The following DHX35 variants were observed in gnomAD, a reference collection of about 807,000 sequenced individuals.
DHX35 encodes DEAH-box helicase 35.
In DHX35, 84 loss-of-function variants were observed where a neutral mutation model predicts 99.6. The ratio of observed to expected loss-of-function variants is 0.84; its 90% CI spans 0.71 to 1.01. The LOEUF (loss-of-function observed/expected upper bound fraction) is 1.01, where lower values mean the gene tolerates loss of function less well. DHX35 is among the 50% of genes least tolerant of loss of function. The pLI, the probability that DHX35 is intolerant of heterozygous loss-of-function variation, is 0.00. For synonymous variants in DHX35, 331 were observed against 316.2 expected (o/e 1.05, Z -0.50); for missense variants, 852 against 888.5 (o/e 0.96, Z 0.52).
At chr20:38,971,862 CTT>C (rs905923596) in intron 2 of DHX35, among the ~76,000 whole-genome samples, 1 of 151,984 alleles carries the variant, frequency 6.6e-6, no homozygotes, top group Non-Finnish European at 1.5e-5. Context: ...TTTAACCAAA[CTT>C]TTGTTGATCA....
intron 8 of DHX35, among the ~76,000 whole-genome samples, chr20:38,996,028 C>T (rs977045644): frequency 6.6e-6 from 1 of 152,164 alleles, no homozygotes; most frequent in East Asian, 1.9e-4. Context: ...CTTGCTGTTC[C>T]TCAAAACAAC....
intron 9 of DHX35, 26 bp from the exon 10 acceptor site, chr20:39,002,746 T>C: frequency 6.3e-7 from 1 of 1,589,358 alleles, no homozygotes; most frequent in Non-Finnish European, 8.6e-7. Flanking sequence ...ATTCTAGTGA[T>C]GAATTCATCC....
chr20:39,030,312 C>G (rs1357686230), intron 19 of DHX35: 1 of 199,524 alleles, frequency 5.0e-6, no homozygotes, highest in Non-Finnish European at 1.0e-5. Context: ...GTTACGTCCC[C>G]CTATAGTCAT....
At chr20:39,006,485 T>A in intron 12 of DHX35, 129 bp downstream of exon 12, 1 of 961,414 alleles carries the variant, frequency 1.0e-6, no homozygotes, top group Non-Finnish European at 1.5e-6. Context: ...AGGCCCTGTG[T>A]AATCAGATCC....
chr20:38,972,004 G>GTTTTTTTTTTTTTTTTTTT, intron 2 of DHX35, among the ~76,000 whole-genome samples: 214 of 81,026 alleles, frequency 2.6e-3, no homozygotes, highest in South Asian at 3.9e-3. Context: ...GTTTTGTTTT[G>GTTTTTTTTTTTTTTTTTTT]TTTTTTTTTT....
In DHX35 at chr20:39,036,106, T is replaced by C. The variant is rs148201759; in HGVS notation, c.2067+1789T>C. ...GGTAAACTAGAGGTTGAAAGAGGAA[T>C]GGTGCAGTGGTCAAAATGCCTGTTA... is the stretch of plus-strand genomic sequence containing the variant. On this transcript the variant is annotated intron_variant, in intron 21 of 21. Transcript: ENST00000252011. Among the ~76,000 whole-genome samples, 66 of 152,248 alleles carry C rather than the reference T, an allele frequency of 4.3e-4. 1 individual carries two copies. In the East Asian group the frequency reaches 0.01, roughly 23 times the overall value.
At chr20:38,976,564 C>T (rs910488265) in intron 3 of DHX35, among the ~76,000 whole-genome samples, 2 of 151,914 alleles carry the variant, frequency 1.3e-5, no homozygotes, top group African/African-American at 4.8e-5. Context: ...ATTATCATAT[C>T]CATCACCTCA....
intron 2 of DHX35, among the ~76,000 whole-genome samples, chr20:38,970,151 G>T (rs527619096): frequency 6.6e-6 from 1 of 152,292 alleles, no homozygotes; most frequent in South Asian, 2.1e-4. Flanking sequence ...ACGAACCCCT[G>T]AGCTCAAGCA....
At chr20:39,024,077 C>T (rs2086914008) in intron 17 of DHX35, among the ~76,000 whole-genome samples, 1 of 152,190 alleles carries the variant, frequency 6.6e-6, no homozygotes. Flanking sequence ...GACAGAAAGG[C>T]AACATTTGAA....
chr20:38,987,262 GAC>G (rs2086264901), intron 4 of DHX35, among the ~76,000 whole-genome samples: 1 of 151,438 alleles, frequency 6.6e-6, no homozygotes, highest in Non-Finnish European at 1.5e-5. Flanking sequence ...TTTGTTTTTT[GAC>G]ACAGTCTCTT....
intron 3 of DHX35, among the ~76,000 whole-genome samples, chr20:38,982,679 A>G (rs994128914): frequency 3.3e-5 from 5 of 152,068 alleles, no homozygotes; most frequent in Admixed American, 6.5e-5. Context: ...CCTGTAGACA[A>G]CCATTTCTTA....
intron 2 of DHX35, among the ~76,000 whole-genome samples, chr20:38,969,672 A>T (rs531557202): frequency 1.3e-5 from 2 of 152,372 alleles, no homozygotes; most frequent in East Asian, 3.9e-4. Context: ...AGACAGTGAC[A>T]GGATTTTGGT....
At chr20:38,989,265 G>GTTTTTT (rs59991063) in intron 5 of DHX35, among the ~76,000 whole-genome samples, 45 of 111,810 alleles carry the variant, frequency 4.0e-4, no homozygotes, top group East Asian at 7.8e-4. Flanking sequence ...ACCCGGCTAA[G>GTTTTTT]TTTTTTTTTT....
chr20:38,972,339 G>A (rs1256877119), intron 2 of DHX35, among the ~76,000 whole-genome samples: 1 of 152,036 alleles, frequency 6.6e-6, no homozygotes, highest in Non-Finnish European at 1.5e-5. Context: ...AAAATGTAAA[G>A]GGCGTATGCA....
intron 15 of DHX35, among the ~76,000 whole-genome samples, chr20:39,020,431 A>G (rs1389287564): frequency 6.6e-6 from 1 of 152,212 alleles, no homozygotes; most frequent in African/African-American, 2.4e-5. Flanking sequence ...GTTCTAGGTT[A>G]AAAGATCTGG....
At chr20:39,021,460 G>GT (rs1431727310) in intron 15 of DHX35, among the ~76,000 whole-genome samples, 1 of 152,148 alleles carries the variant, frequency 6.6e-6, no homozygotes, top group African/African-American at 2.4e-5. Flanking sequence ...TTCACATTTG[G>GT]CTGAGTGAAA....
At chr20:38,997,189 G>A (rs887073133) in intron 8 of DHX35, among the ~76,000 whole-genome samples, 2 of 152,004 alleles carry the variant, frequency 1.3e-5, no homozygotes, top group Admixed American at 6.6e-5. Context: ...TCGTGCTTCA[G>A]CCTCCCAAGT....
chr20:39,016,635 C>T (rs781626898), intron 14 of DHX35, among the ~76,000 whole-genome samples: 21 of 152,262 alleles, frequency 1.4e-4, no homozygotes, highest in Non-Finnish European at 3.1e-4. Flanking sequence ...TGGACATTCC[C>T]ACCAGCAATG....
chr20:38,989,218 C>T (rs767067018), intron 5 of DHX35, among the ~76,000 whole-genome samples: 11 of 150,854 alleles, frequency 7.3e-5, no homozygotes, highest in Non-Finnish European at 1.3e-4. Context: ...CTTCCTCAGC[C>T]TCCCGAGTAG....
Sources: gnomAD v4.1 joint callset for allele counts (sites outside exome capture counted in the v4.1 genomes callset) on GRCh38, gnomAD v4.1.1 for gene constraint, MANE v1.5 for transcripts, NCBI Gene and HGNC (gene_info 2026-07-23, HGNC 2026-07-21) for gene names.